Variants in CYSLTR1 observed in about 807,000 individuals in gnomAD.
CYSLTR1 encodes cysteinyl leukotriene receptor 1.
In CYSLTR1, 1 loss-of-function variant was observed where a neutral mutation model predicts 2.1. The ratio of observed to expected loss-of-function variants is 0.48; its 90% CI spans 0.17 to 2.28. The LOEUF (loss-of-function observed/expected upper bound fraction) is 2.28, where lower values mean the gene tolerates loss of function less well. CYSLTR1 is among the 30% of genes most tolerant of loss of function. CYSLTR1 has a pLI of 0.26. For missense variants in CYSLTR1, 299 were observed against 250.1 expected, an observed-to-expected ratio of 1.20 and a Z score of -1.32; for synonymous variants, 110 against 89.6, an observed-to-expected ratio of 1.23 and a Z score of -1.28.
chrX:78,287,667 C>CA (rs760711510), intron 1 of CYSLTR1, among the ~76,000 whole-genome samples: 2 of 111,276 alleles, frequency 1.8e-5, no homozygotes, highest in East Asian at 5.6e-4. Context: ...AGAAGCCAGA[C>CA]AAAAAAGAAT....
chrX:78,326,375 G>A (rs139225323), intron 1 of CYSLTR1, among the ~76,000 whole-genome samples: 12 of 111,501 alleles, frequency 1.1e-4, no homozygotes, highest in Non-Finnish European at 1.9e-4. Flanking sequence ...TTAAAACAGT[G>A]TACAATCTAG....
intron 2 of CYSLTR1, among the ~76,000 whole-genome samples, chrX:78,277,485 C>CA (rs1185587528): frequency 4.5e-5 from 5 of 111,990 alleles, no homozygotes; most frequent in African/African-American, 1.6e-4. Flanking sequence ...GCCAACCCCC[C>CA]ACACCCCTGA....
At chrX:78,278,567 C>A (rs888451743) in intron 2 of CYSLTR1, among the ~76,000 whole-genome samples, 6 of 112,280 alleles carry the variant, frequency 5.3e-5, no homozygotes, top group Non-Finnish European at 7.5e-5. Context: ...TAATGCTATT[C>A]CTATGAAACT....
At chrX:78,299,479 T>A (rs1922722027) in intron 1 of CYSLTR1, among the ~76,000 whole-genome samples, 1 of 110,955 alleles carries the variant, frequency 9.0e-6, no homozygotes, top group African/African-American at 3.3e-5. Flanking sequence ...GATCTGATGA[T>A]AATAAAATTT....
At chrX:78,285,353 C>A (rs1183951896) in intron 1 of CYSLTR1, among the ~76,000 whole-genome samples, 2 of 99,550 alleles carry the variant, frequency 2.0e-5, no homozygotes, top group East Asian at 3.3e-4. Context: ...ACCCGGGAGG[C>A]GGAGCTTGCA....
At chrX:78,299,304 A>G (rs1191073060) in intron 1 of CYSLTR1, among the ~76,000 whole-genome samples, 1 of 111,625 alleles carries the variant, frequency 9.0e-6, no homozygotes, top group Admixed American at 9.5e-5. Flanking sequence ...CTTTCTACTT[A>G]GTATATGAGT....
intron 2 of CYSLTR1, among the ~76,000 whole-genome samples, chrX:78,279,756 T>C (rs992249752): frequency 1.8e-4 from 20 of 112,146 alleles, no homozygotes; most frequent in Non-Finnish European, 3.4e-4. Context: ...TATTTGATAC[T>C]AGGCAGCCAT....
intron 1 of CYSLTR1, among the ~76,000 whole-genome samples, chrX:78,291,590 C>T (rs1280974028): frequency 1.8e-5 from 2 of 110,653 alleles, no homozygotes; most frequent in Non-Finnish European, 3.8e-5. Context: ...TCCATCTGGT[C>T]CTGGACTTTT....
At chrX:78,326,124 T>A (rs963366862) in intron 1 of CYSLTR1, among the ~76,000 whole-genome samples, 11 of 111,773 alleles carry the variant, frequency 9.8e-5, no homozygotes, top group Non-Finnish European at 2.1e-4. Flanking sequence ...CTGGGGAAAA[T>A]TTTTTTATCA....
At chrX:78,288,992 C>G (rs1368776413) in intron 1 of CYSLTR1, among the ~76,000 whole-genome samples, 1 of 108,428 alleles carries the variant, frequency 9.2e-6, no homozygotes, top group African/African-American at 3.4e-5. Context: ...ACTTTAAGTA[C>G]TAGGGTACAT....
At chrX:78,285,315 GA>G (rs1181300015) in intron 1 of CYSLTR1, among the ~76,000 whole-genome samples, 14 of 108,441 alleles carry the variant, frequency 1.3e-4, no homozygotes, top group African/African-American at 1.0e-4. Flanking sequence ...CAGCTACTCG[GA>G]GAGGCTGAGG....
Position 78,272,346 on chromosome X carries a change from T to C in CYSLTR1, c.*387A>G, listed in dbSNP as rs1188596863. 8.6e-6 allele frequency: 1 copy of C among 116,239 alleles called. No individual in the cohort carries two copies. The highest frequency in any genetic ancestry group is 1.8e-5 in the Non-Finnish European group (1 of 56,202). 9.6% of individuals were successfully genotyped at this position (116,239 alleles called of 1,213,427 possible). The stretch of plus-strand genomic sequence containing the variant: ...TTCAGAACTATTTGCCAATTTTATA[T>C]CTAGTTTTATATTTTATAACTTTTA... On this transcript the variant is annotated 3_prime_UTR_variant, in exon 3 of 3. Transcript: ENST00000373304.
intron 1 of CYSLTR1, among the ~76,000 whole-genome samples, chrX:78,310,699 G>T (rs1215859727): frequency 8.9e-6 from 1 of 111,820 alleles, no homozygotes; most frequent in African/African-American, 3.3e-5. Context: ...TGTAGAAAAG[G>T]CTTTATGAAA....
In CYSLTR1 at chrX:78,272,551, A is replaced by G; in HGVS notation, c.*182T>C. 2.7e-6 allele frequency: 1 copy of G among 373,345 alleles called. No homozygotes were observed. Among genetic ancestry groups the G allele is most frequent in the Non-Finnish European group, 4.3e-6 (1 of 232,305 alleles). The allele number at this position is 373,345 out of a possible 1,213,427, so 30.8% of individuals were successfully genotyped here. On this transcript the variant is annotated 3_prime_UTR_variant, in exon 3 of 3. Transcript: ENST00000373304. ...GTTCATAGTTGTGGACCGAATTTTT[A>G]GCACTTAAAATATCTATAAATATCT...
chrX:78,272,912 T>C lies in CYSLTR1; in HGVS notation c.835A>G (p.Ile279Val). ...SVLRMQKSVV[I>V]TLSLAASNCC... The stretch of plus-strand genomic sequence containing the variant: ...TTGGATGCAGCCAGAGACAAGGTTA[T>C]GACCACGGACTTCTGCATTCTAAGG... Residue 279 changes from isoleucine (I) to valine (V), a missense_variant, in exon 3 of 3, where the codon ATA becomes GTA. Transcript: ENST00000373304. 8.3e-7 allele frequency: 1 copy of C among 1,211,439 alleles called. No individual in the cohort carries two copies. Among genetic ancestry groups the C allele is most frequent in the Non-Finnish European group, 1.1e-6 (1 of 895,423 alleles).
In CYSLTR1 at chrX:78,272,626, G is replaced by A; in HGVS notation, c.*107C>T. The A allele has an allele frequency of 1.3e-6, 1 of 786,041 alleles. No individual in the cohort carries two copies. Among genetic ancestry groups the A allele is most frequent in the Non-Finnish European group, 1.7e-6 (1 of 578,622 alleles). The allele number at this position is 786,041 out of a possible 1,213,427, so 64.8% of individuals were successfully genotyped here. On this transcript the variant is annotated 3_prime_UTR_variant, in exon 3 of 3. Coordinates refer to ENST00000373304, the MANE Select transcript of CYSLTR1 (RefSeq NM_006639.4). Reference sequence around the variant, plus strand: ...TAGAGTTGTAGGCCCAAATAGTTAAGTATTTGTAAAATATTAAGTAAAATT... The same window carrying A: ...TAGAGTTGTAGGCCCAAATAGTTAAATATTTGTAAAATATTAAGTAAAATT...
chrX:78,290,176 A>G (rs962679622), intron 1 of CYSLTR1, among the ~76,000 whole-genome samples: 4 of 112,113 alleles, frequency 3.6e-5, no homozygotes, highest in Non-Finnish European at 7.5e-5. Flanking sequence ...AGCTTTCTAC[A>G]TATGGCTAGC....
chrX:78,289,322 C>T (rs925206965), intron 1 of CYSLTR1, among the ~76,000 whole-genome samples: 8 of 112,052 alleles, frequency 7.1e-5, no homozygotes, highest in Admixed American at 6.6e-4. Context: ...CATAGTATTC[C>T]ATGATGTATA....
intron 1 of CYSLTR1, among the ~76,000 whole-genome samples, chrX:78,322,843 G>T (rs1268089333): frequency 9.0e-6 from 1 of 111,478 alleles, no homozygotes; most frequent in African/African-American, 3.3e-5. Context: ...CTCCTTAAGA[G>T]GAGAACGTCA....
Sources: gnomAD v4.1 joint callset for allele counts (sites outside exome capture counted in the v4.1 genomes callset) on GRCh38, gnomAD v4.1.1 for gene constraint, MANE v1.5 for transcripts, NCBI Gene and HGNC (gene_info 2026-07-23, HGNC 2026-07-21) for gene names.